The following MYO3A variants were observed in gnomAD, a reference collection of about 807,000 sequenced individuals.
MYO3A encodes myosin IIIA, also known as myosin-IIIa.
In MYO3A, 180 loss-of-function variants were observed where a neutral mutation model predicts 192.7. The observed-to-expected ratio is 0.93, with a 90% confidence interval of 0.83 to 1.06. MYO3A has a LOEUF of 1.06. Ranked by LOEUF, MYO3A falls within the 50% of genes least tolerant of loss-of-function variation. MYO3A has a pLI of 0.00. For synonymous variants in MYO3A, 628 were observed against 645.3 expected (o/e 0.97, Z 0.41); for missense variants, 1,896 against 1,905.0 (o/e 1.00, Z 0.09).
chr10:25,938,013 G>A (rs1836217034), intron 2 of MYO3A, among the ~76,000 whole-genome samples: 1 of 152,162 alleles, frequency 6.6e-6, no homozygotes. Context: ...TGTAAGAAAG[G>A]AGACACCCGA....
Position 25,946,877 on chromosome 10 carries a change from C to CAAA in MYO3A, c.-17-5189_-17-5187dup, listed in dbSNP as rs34045169. ...TGGGTGACAGAGTGAGACTCCGTCT[C>CAAA]AAAAAAAAAAAAAAAAAAAAAAAAA... On this transcript the variant is annotated intron_variant, in intron 2 of 34. Coordinates refer to ENST00000642920, the MANE Select transcript of MYO3A (RefSeq NM_017433.5). 4.2e-4 allele frequency among the ~76,000 whole-genome samples: 21 copies of CAAA among 50,144 alleles called. 1 individual carries two copies. The highest frequency in any genetic ancestry group is 1.7e-3 in the African/African-American group (17 of 10,138). The allele number at this position is 50,144 out of a possible 152,430, so 32.9% of individuals were successfully genotyped here. A position where few individuals can be genotyped will look rare whatever the true frequency, so the allele number is the denominator to read the frequency against.
intron 14 of MYO3A, among the ~76,000 whole-genome samples, chr10:26,085,134 A>T (rs1282783175): frequency 2.6e-5 from 4 of 151,784 alleles, no homozygotes; most frequent in East Asian, 1.9e-4. Context: ...TATTTTACTT[A>T]TCTTAGTCAT....
chr10:26,070,348 G>A lies in MYO3A; in HGVS notation c.1306G>A (p.Gly436Arg), dbSNP rs1157566354. Residue 436 changes from glycine (G) to arginine (R), a missense_variant, in exon 14 of 35, where the codon GGA (glycine) becomes AGA (arginine). By Grantham distance (125) the Gly-to-Arg change is moderately radical (BLOSUM62 -2). Coordinates refer to ENST00000642920, the MANE Select transcript of MYO3A (RefSeq NM_017433.5). ...CIVISGESGA[G>R]KTENAHLLVQ... ...TGTTATTTCTGGAGAAAGTGGTGCT[G>A]GAAAGACTGAAAATGCTCATCTTTT... 1 of 1,613,184 alleles carries A rather than the reference G, an allele frequency of 6.2e-7. No individual in the cohort carries two copies. The highest frequency in any genetic ancestry group is 1.7e-5 in the Admixed American group (1 of 59,988).
At chr10:25,962,834 T>G (rs978946752) in intron 4 of MYO3A, among the ~76,000 whole-genome samples, 1 of 152,158 alleles carries the variant, frequency 6.6e-6, no homozygotes, top group Admixed American at 6.6e-5. Flanking sequence ...CATTTGCTAT[T>G]GATGGACACA....
intron 14 of MYO3A, among the ~76,000 whole-genome samples, chr10:26,072,734 A>T (rs1053601429): frequency 2.6e-5 from 4 of 151,892 alleles, no homozygotes; most frequent in African/African-American, 7.3e-5. Context: ...ATTGGGTTTC[A>T]TATGGAGCAA....
chr10:26,016,366 G>A (rs1348067640), intron 6 of MYO3A, among the ~76,000 whole-genome samples: 23 of 152,192 alleles, frequency 1.5e-4, no homozygotes, highest in Admixed American at 1.5e-3. Context: ...AGATTCACAA[G>A]TCACCTACTA....
chr10:25,981,723 A>G (rs1459548786), intron 4 of MYO3A, among the ~76,000 whole-genome samples: 4 of 152,210 alleles, frequency 2.6e-5, no homozygotes, highest in African/African-American at 7.2e-5. Context: ...TAAAATCACA[A>G]TGAGATACTA....
chr10:26,163,034 C>T (rs1453280746), intron 26 of MYO3A, among the ~76,000 whole-genome samples: 3 of 152,234 alleles, frequency 2.0e-5, no homozygotes. Flanking sequence ...CATGAGCAAA[C>T]ATGGCCCTCT....
At chr10:26,158,249 A>ATTT (rs1273179170) in intron 26 of MYO3A, among the ~76,000 whole-genome samples, 1 of 142,850 alleles carries the variant, frequency 7.0e-6, no homozygotes, top group Non-Finnish European at 1.5e-5. Flanking sequence ...GGAATGTTTT[A>ATTT]TTTTATTTTT....
At chr10:26,126,630 T>C (rs1839234833) in intron 19 of MYO3A, among the ~76,000 whole-genome samples, 1 of 152,134 alleles carries the variant, frequency 6.6e-6, no homozygotes, top group Admixed American at 6.5e-5. Flanking sequence ...CATATGAAAA[T>C]GGAAAATATT....
chr10:26,098,545 G>T (rs1341684344), intron 17 of MYO3A, among the ~76,000 whole-genome samples: 2 of 152,164 alleles, frequency 1.3e-5, no homozygotes, highest in Non-Finnish European at 2.9e-5. Flanking sequence ...ATGGGTTTAG[G>T]TCTAATATTT....
At chr10:26,121,026 C>T (rs1469002941) in intron 18 of MYO3A, among the ~76,000 whole-genome samples, 1 of 152,040 alleles carries the variant, frequency 6.6e-6, no homozygotes, top group Non-Finnish European at 1.5e-5. Context: ...GAAGACTAGG[C>T]TTTTACAACT....
rs939950773 is a variant in MYO3A, at chr10:26,128,249, T to G, written c.2115-142T>G. ...CTTTATGTGCTACAGAGAGAAGCTA[T>G]TTCAGTTAAGAAAGTTTCACTCTAA... On this transcript the variant is annotated intron_variant, in intron 19 of 34. Transcript: ENST00000642920. The G allele has an allele frequency of 1.0e-5, 8 of 789,680 alleles. No homozygotes were observed. The Admixed American group carries it at 1.6e-4, about 16-fold the overall frequency. The allele number at this position is 789,680 out of a possible 1,614,324, so 48.9% of individuals were successfully genotyped here. A position where few individuals can be genotyped will look rare whatever the true frequency, so the allele number is the denominator to read the frequency against.
chr10:26,176,960 G>C (rs1293159870), intron 31 of MYO3A, 115 bp downstream of exon 31: 11 of 1,221,338 alleles, frequency 9.0e-6, no homozygotes, highest in African/African-American at 1.5e-5. Flanking sequence ...TCCTGTCTTA[G>C]GAGAACCTTT....
intron 26 of MYO3A, among the ~76,000 whole-genome samples, chr10:26,158,720 A>G (rs1232289341): frequency 2.0e-5 from 3 of 151,974 alleles, no homozygotes; most frequent in South Asian, 2.1e-4. Flanking sequence ...TATCATTTCT[A>G]TTGGTCATTA....
At chr10:25,944,205 G>A (rs1261221070) in intron 2 of MYO3A, among the ~76,000 whole-genome samples, 2 of 151,880 alleles carry the variant, frequency 1.3e-5, no homozygotes, top group Admixed American at 6.6e-5. Context: ...TACATTGATT[G>A]ATTTTCATAT....
chr10:25,958,828 G>A (rs1291428558), intron 4 of MYO3A, among the ~76,000 whole-genome samples: 1 of 151,334 alleles, frequency 6.6e-6, no homozygotes, highest in Non-Finnish European at 1.5e-5. Flanking sequence ...GTATTCCTAG[G>A]TATTTTATTC....
At chr10:25,974,180 G>T (rs1838835674) in intron 4 of MYO3A, among the ~76,000 whole-genome samples, 2 of 152,160 alleles carry the variant, frequency 1.3e-5, no homozygotes, top group African/African-American at 4.8e-5. Flanking sequence ...AAAAATTTTT[G>T]CAATCTACGC....
intron 18 of MYO3A, among the ~76,000 whole-genome samples, chr10:26,124,341 TTATCA>T (rs1242917141): frequency 6.6e-6 from 1 of 152,208 alleles, no homozygotes; most frequent in East Asian, 1.9e-4. Context: ...TATTGATATA[TTATCA>T]TATTTGTCAA....
Sources: allele counts gnomAD v4.1 joint callset (sites outside exome capture counted in the v4.1 genomes callset), GRCh38; gene constraint gnomAD v4.1.1; transcripts MANE v1.5; gene names NCBI Gene and HGNC (gene_info 2026-07-23, HGNC 2026-07-21).